Variants in KCNMA1 observed in about 807,000 individuals in gnomAD.
KCNMA1 encodes the protein Calcium-activated potassium channel subunit alpha-1.
In KCNMA1, 29 loss-of-function variants were observed where a neutral mutation model predicts 140.0. The ratio of observed to expected loss-of-function variants is 0.21; its 90% confidence interval spans 0.15 to 0.28. The LOEUF (loss-of-function observed/expected upper bound fraction) is 0.28. Ranked by LOEUF, KCNMA1 falls within the 10% of genes least tolerant of loss-of-function variation. KCNMA1 has a pLI of 1.00. For missense variants in KCNMA1, 880 were observed against 1,602.2 expected, an observed-to-expected ratio of 0.55 and a Z score of 7.70; for synonymous variants, 612 against 611.9, an observed-to-expected ratio of 1.00 and a Z score of 0.00.
intron 14 of KCNMA1, among the ~76,000 whole-genome samples, chr10:77,066,448 A>G (rs535640303): frequency 3.2e-4 from 49 of 152,302 alleles, no homozygotes; most frequent in African/African-American, 1.1e-3. Context: ...GCCAATAGTA[A>G]AATGAGCAAA....
intron 14 of KCNMA1, among the ~76,000 whole-genome samples, chr10:77,047,471 G>C (rs1235656197): frequency 1.3e-5 from 2 of 152,150 alleles, no homozygotes; most frequent in African/African-American, 4.8e-5. Context: ...GAAAGACAGA[G>C]TGCCAGAGGA....
chr10:77,008,302 A>C (rs938842886), intron 18 of KCNMA1: 6 of 1,105,346 alleles, frequency 5.4e-6, no homozygotes, highest in Non-Finnish European at 7.8e-6. Context: ...AAATTCCTTC[A>C]AACACATCAA....
intron 3 of KCNMA1, among the ~76,000 whole-genome samples, chr10:77,222,772 C>T (rs1290293533): frequency 6.6e-6 from 1 of 152,166 alleles, no homozygotes; most frequent in Non-Finnish European, 1.5e-5. Context: ...GCCTCACTCC[C>T]AGAAAAAAGA....
chr10:77,025,466 C>T (rs1001080651), intron 16 of KCNMA1: 31 of 1,598,418 alleles, frequency 1.9e-5, no homozygotes, highest in Middle Eastern at 1.7e-4. Context: ...TTCTGCAAAA[C>T]GACAAGAAAA....
intron 16 of KCNMA1, among the ~76,000 whole-genome samples, chr10:77,023,470 T>G (rs2093085423): frequency 6.6e-6 from 1 of 152,184 alleles, no homozygotes; most frequent in Non-Finnish European, 1.5e-5. Flanking sequence ...ACGTAGTAAT[T>G]ATATTTGTGT....
intron 3 of KCNMA1, among the ~76,000 whole-genome samples, chr10:77,232,216 G>A (rs1484692889): frequency 6.6e-6 from 1 of 152,200 alleles, no homozygotes; most frequent in Non-Finnish European, 1.5e-5. Context: ...TCGCTGTTAT[G>A]AATGTTCAAG....
chr10:77,589,236 A>G (rs2078242736), intron 1 of KCNMA1, among the ~76,000 whole-genome samples: 3 of 152,190 alleles, frequency 2.0e-5, no homozygotes, highest in African/African-American at 7.2e-5. Context: ...GGAAAGATAG[A>G]GTAATTTAGT....
At chr10:77,503,194 C>A (rs1043135408) in intron 1 of KCNMA1, among the ~76,000 whole-genome samples, 1 of 152,190 alleles carries the variant, frequency 6.6e-6, no homozygotes, top group Non-Finnish European at 1.5e-5. Flanking sequence ...GAACTCCCAC[C>A]CCTCTAGGCC....
intron 1 of KCNMA1, among the ~76,000 whole-genome samples, chr10:77,452,792 G>A (rs2154520745): frequency 6.6e-6 from 1 of 152,270 alleles, no homozygotes; most frequent in Middle Eastern, 3.4e-3. Context: ...GGGACAAAGA[G>A]GGATCCTTTA....
At chr10:77,512,085 G>A (rs953636209) in intron 1 of KCNMA1, among the ~76,000 whole-genome samples, 1 of 152,238 alleles carries the variant, frequency 6.6e-6, no homozygotes, top group African/African-American at 2.4e-5. Context: ...GGGCATGAAG[G>A]CCAAATGTCT....
At position 77,452,327 on chromosome 10, in the gene KCNMA1, A is replaced by C. The variant is rs538776009; in HGVS notation, c.379-48304T>G. Among the ~76,000 whole-genome samples the C allele has an allele frequency of 1.6e-4, 25 of 152,336 alleles. 1 individual carries two copies. Among genetic ancestry groups the C allele is most frequent in the Admixed American group, 1.4e-3 (21 of 15,304 alleles). ...GAGGCGGAGATTCAGGTGGGGGCCCAAAACATGGCTGACATCCAGCCAGCA... is the reference window on the plus strand; with the variant it reads ...GAGGCGGAGATTCAGGTGGGGGCCCCAAACATGGCTGACATCCAGCCAGCA... On this transcript the variant is annotated intron_variant, in intron 1 of 27. Coordinates refer to ENST00000286628, the MANE Select transcript of KCNMA1 (RefSeq NM_001161352.2).
At chr10:77,477,618 A>G (rs1053518188) in intron 1 of KCNMA1, among the ~76,000 whole-genome samples, 2 of 152,214 alleles carry the variant, frequency 1.3e-5, no homozygotes, top group African/African-American at 4.8e-5. Context: ...TGTTATGAAT[A>G]TGGAGTTGGG....
At chr10:77,329,089 C>T (rs1044737516) in intron 2 of KCNMA1, among the ~76,000 whole-genome samples, 9 of 152,238 alleles carry the variant, frequency 5.9e-5, no homozygotes, top group Middle Eastern at 3.4e-3. Context: ...ATCCCCCTGC[C>T]TCGGCCTCCC....
chr10:77,624,734 C>T (rs552613134), intron 1 of KCNMA1, among the ~76,000 whole-genome samples: 20 of 152,168 alleles, frequency 1.3e-4, no homozygotes, highest in Non-Finnish European at 2.2e-4. Context: ...GACACTGTAG[C>T]TAGTCACTTG....
chr10:77,634,237 A>G (rs1218581505), intron 1 of KCNMA1: 2 of 985,470 alleles, frequency 2.0e-6, no homozygotes, highest in Non-Finnish European at 2.4e-6. Context: ...AAATCCCACA[A>G]GGAAAAAAAC....
chr10:77,251,280 A>G (rs755024451), intron 2 of KCNMA1, 24 bp from the exon 3 acceptor site: 9 of 1,598,196 alleles, frequency 5.6e-6, no homozygotes, highest in Admixed American at 3.3e-5. Context: ...GGAGAATGCC[A>G]TCACTTAAGA....
chr10:77,234,064 A>G lies in KCNMA1; in HGVS notation c.602+17131T>C, dbSNP rs529009946. Among the ~76,000 whole-genome samples the G allele has an allele frequency of 3.5e-4, 54 of 152,330 alleles. No homozygotes were observed. In the South Asian group the frequency reaches 0.011, roughly 31 times the overall value. ...GGTATCTCAAAGTATTACTTATATT[A>G]ATCCTACTTTAAAATGATGGTGGTA... On this transcript the variant is annotated intron_variant, in intron 3 of 27. Coordinates refer to ENST00000286628, the MANE Select transcript of KCNMA1 (RefSeq NM_001161352.2).
At chr10:77,198,941 G>A (rs1011907502) in intron 3 of KCNMA1, among the ~76,000 whole-genome samples, 1 of 152,134 alleles carries the variant, frequency 6.6e-6, no homozygotes, top group Non-Finnish European at 1.5e-5. Context: ...TGGAGGCCTT[G>A]ATAGGGAACT....
chr10:77,049,956 G>A (rs921360060), intron 14 of KCNMA1, among the ~76,000 whole-genome samples: 3 of 152,094 alleles, frequency 2.0e-5, no homozygotes, highest in African/African-American at 7.2e-5. Context: ...CCGATAACTT[G>A]GAGGCTTGAA....
Sources: gnomAD v4.1 joint callset for allele counts (sites outside exome capture counted in the v4.1 genomes callset) on GRCh38, gnomAD v4.1.1 for gene constraint, MANE v1.5 for transcripts, NCBI Gene and HGNC (gene_info 2026-07-23, HGNC 2026-07-21) for gene names.